The following MYO7A variants were observed in gnomAD, a reference collection of about 807,000 sequenced individuals.
The protein encoded by MYO7A is myosin VIIA, also known as unconventional myosin-VIIa.
MYO7A carries 210 observed loss-of-function variants against 263.8 expected under a neutral mutation model. That is an observed-to-expected ratio of 0.80 (90% CI 0.71 to 0.89). The LOEUF is 0.89. Ranked by LOEUF, MYO7A falls within the 40% of genes least tolerant of loss-of-function variation. The pLI, the probability that MYO7A is intolerant of heterozygous loss-of-function variation, is 0.00. For missense variants in MYO7A, 2,820 were observed against 2,968.3 expected (o/e 0.95, Z 1.16); for synonymous variants, 1,239 against 1,197.3 (o/e 1.03, Z -0.72).
In MYO7A at chr11:77,174,747, G is replaced by A. The variant is rs1283163856; in HGVS notation, c.1936-9G>A. ...TTGGCCCTGATGCCCTTGGCTGTGT[G>A]CCTGGCAGCTGTTCGACCGGCACCT... On this transcript the variant is annotated splice_polypyrimidine_tract_variant and intron_variant, in intron 16 of 48. Coordinates refer to ENST00000409709, the MANE Select transcript of MYO7A (RefSeq NM_000260.4). 20 of 1,572,858 alleles carry A rather than the reference G, an allele frequency of 1.3e-5. No individual in the cohort carries two copies. Among genetic ancestry groups the A allele is most frequent in the Non-Finnish European group, 1.7e-5 (20 of 1,160,000 alleles).
intron 4 of MYO7A, 25 bp downstream of exon 4, chr11:77,147,975 C>G (rs1274979296): frequency 7.9e-6 from 12 of 1,515,504 alleles, no homozygotes; most frequent in Admixed American, 2.0e-5. Flanking sequence ...GCCCGGTGCC[C>G]GTCCAGGCCC....
In MYO7A at chr11:77,213,850, G is replaced by A; in HGVS notation, c.6439-10G>A. On this transcript the variant is annotated splice_polypyrimidine_tract_variant and intron_variant, in intron 47 of 48. Transcript: ENST00000409709. ...GGCCGTGCCTCTCTATGCCCTTTCT[G>A]CTCCCCCAGGATATCCTCACCACTC... The A allele has an allele frequency of 6.2e-7, 1 of 1,613,986 alleles. No homozygotes were observed. Among genetic ancestry groups the A allele is most frequent in the Non-Finnish European group, 8.5e-7 (1 of 1,179,882 alleles).
At chr11:77,199,359 G>A (rs1192742787) in intron 34 of MYO7A, among the ~76,000 whole-genome samples, 176 bp from the exon 35 acceptor site, 1 of 152,212 alleles carries the variant, frequency 6.6e-6, no homozygotes, top group South Asian at 2.1e-4. Context: ...GATTTAAAGG[G>A]TGAGTAGGAA....
At chr11:77,213,312 C>A (rs1957987962) in intron 47 of MYO7A, among the ~76,000 whole-genome samples, 10 of 152,226 alleles carry the variant, frequency 6.6e-5, no homozygotes. Flanking sequence ...TCTGCCCATG[C>A]AGGTCATGGG....
chr11:77,165,403 C>G (rs1555071843), intron 14 of MYO7A, among the ~76,000 whole-genome samples: 2 of 152,172 alleles, frequency 1.3e-5, no homozygotes. Context: ...CTGTGTGGTG[C>G]AGGGGAATCT....
In MYO7A at chr11:77,183,059, G is replaced by A; in HGVS notation, c.3286-9G>A. On this transcript the variant is annotated splice_polypyrimidine_tract_variant and intron_variant, in intron 25 of 48. Transcript: ENST00000409709. ...AGCCACTTGACCCTGATCCCTGCTGGTCCTGCAGGCCCAGCTCCCCGAGGG... is the reference window on the plus strand; with the variant it reads ...AGCCACTTGACCCTGATCCCTGCTGATCCTGCAGGCCCAGCTCCCCGAGGG... 1 of 1,550,734 alleles carries A rather than the reference G, an allele frequency of 6.4e-7. No homozygotes were observed. Among genetic ancestry groups the A allele is most frequent in the Non-Finnish European group, 8.7e-7 (1 of 1,146,730 alleles).
intron 11 of MYO7A, 121 bp from the exon 12 acceptor site, chr11:77,160,852 G>C: frequency 8.8e-7 from 1 of 1,130,852 alleles, no homozygotes; most frequent in Non-Finnish European, 1.3e-6. Context: ...AAGGGTTGGG[G>C]GTTTCACACG....
At chr11:77,163,712 G>A (rs149834701) in intron 14 of MYO7A, among the ~76,000 whole-genome samples, 5 of 146,934 alleles carry the variant, frequency 3.4e-5, no homozygotes, top group East Asian at 3.9e-4. Flanking sequence ...TTCATTCAGC[G>A]TAATGTCTTT....
intron 8 of MYO7A, 101 bp from the exon 9 acceptor site, chr11:77,158,176 C>T: frequency 7.3e-7 from 1 of 1,366,998 alleles, no homozygotes; most frequent in Non-Finnish European, 9.6e-7. Flanking sequence ...CTGGCCTGGC[C>T]TGTCAGGCAG....
At chr11:77,173,559 C>T (rs1954335372) in intron 16 of MYO7A, among the ~76,000 whole-genome samples, 1 of 152,122 alleles carries the variant, frequency 6.6e-6, no homozygotes, top group Admixed American at 6.5e-5. Flanking sequence ...TTAAGGGGCT[C>T]AGGCTGGGGC....
At chr11:77,204,045 T>G in intron 38 of MYO7A, 31 bp from the exon 39 acceptor site, 1 of 1,572,492 alleles carries the variant, frequency 6.4e-7, no homozygotes, top group Non-Finnish European at 8.6e-7. Flanking sequence ...CTCCCTCTAT[T>G]CGGCACAAGC....
rs555590908 is a variant in MYO7A at position 77,201,106 on chromosome 11, C to T, written c.4853-342C>T. Among the ~76,000 whole-genome samples, 5 of 152,240 alleles carry T rather than the reference C, an allele frequency of 3.3e-5. No individual in the cohort carries two copies. The East Asian group carries it at 7.7e-4, about 24-fold the overall frequency. On this transcript the variant is annotated intron_variant, in intron 35 of 48. Coordinates refer to ENST00000409709, the MANE Select transcript of MYO7A (RefSeq NM_000260.4). ...GCTAAGCGTGATGCCAGCACAGAGG[C>T]GGGAGAAAGCTGGCCTGTCCAGGGA...
chr11:77,192,332 TC>T, intron 31 of MYO7A, 54 bp downstream of exon 31: 1 of 1,564,472 alleles, frequency 6.4e-7, no homozygotes, highest in Non-Finnish European at 8.8e-7. Context: ...CCTCCTGCTT[TC>T]CACGTTTGGG....
At position 77,156,758 on chromosome 11, in the gene MYO7A, T is replaced by G. The variant is rs1010166278; in HGVS notation, c.569T>G (p.Leu190Trp). Residue 190 changes from leucine (L) to tryptophan (W), a missense_variant, in exon 6 of 49, where the codon TTG (leucine) becomes TGG (tryptophan). By Grantham distance (61) the Leu-to-Trp change is moderately conservative. Coordinates refer to ENST00000409709, the MANE Select transcript of MYO7A (RefSeq NM_000260.4). ...GQHSWIEQQV[L>W]EATPILEAFG... ...CACTCGTGGATTGAGCAGCAGGTCT[T>G]GGAGGCCACCCCCATTCTGGAAGGT... is the stretch of plus-strand genomic sequence containing the variant. The G allele has an allele frequency of 8.1e-6, 13 of 1,613,856 alleles. No homozygotes were observed. The highest frequency in any genetic ancestry group is 1.1e-5 in the Non-Finnish European group (13 of 1,179,888).
chr11:77,203,230 C>T lies in MYO7A; in HGVS notation c.5326+13C>T, dbSNP rs114157944. The T allele has an allele frequency of 4.4e-3, 6,807 of 1,550,146 alleles. 235 individuals carry two copies. The African/African-American group carries it at 0.079, about 18-fold the overall frequency. ...CTGGCCTTCATTGATATCCGTGCCA[C>T]TGGGCTGTGCCCAGGGGAGCCAGGG... On this transcript the variant is annotated intron_variant, in intron 38 of 48. Coordinates refer to ENST00000409709, the MANE Select transcript of MYO7A (RefSeq NM_000260.4).
At position 77,158,277 on chromosome 11, in the gene MYO7A, G is replaced by A. The variant is rs782088850; in HGVS notation, c.850G>A (p.Gly284Ser). 2 of 1,595,202 alleles carry A rather than the reference G, an allele frequency of 1.3e-6. No homozygotes were observed. The highest frequency in any genetic ancestry group is 1.7e-6 in the Non-Finnish European group (2 of 1,166,716). ...CCCACTCTCCCACCCTGCCCACCAG[G>A]GTAACTGCATAACCTGTGAGGGCCG... ...QASDYNYLAM[G>S]NCITCEGRVD... is the part of the protein sequence containing the mutation. Residue 284 changes from glycine to serine, a missense_variant and splice_region_variant, in exon 9 of 49, where the codon GGT (glycine) becomes AGT (serine). By Grantham distance (56) the Gly-to-Ser change is moderately conservative. Coordinates refer to ENST00000409709, the MANE Select transcript of MYO7A (RefSeq NM_000260.4).
intron 8 of MYO7A, 131 bp downstream of exon 8, chr11:77,157,523 G>A (rs1336164965): frequency 3.1e-6 from 2 of 644,054 alleles, no homozygotes; most frequent in African/African-American, 1.8e-5. Flanking sequence ...TGGCTTGTCT[G>A]GACACCAAGG....
chr11:77,185,693 C>A (rs1243680263), intron 27 of MYO7A, among the ~76,000 whole-genome samples: 1 of 152,192 alleles, frequency 6.6e-6, no homozygotes, highest in East Asian at 1.9e-4. Flanking sequence ...CCTCCTTCTA[C>A]GAATCATGAA....
chr11:77,150,996 G>A (rs1017869937), intron 4 of MYO7A, among the ~76,000 whole-genome samples: 1 of 152,130 alleles, frequency 6.6e-6, no homozygotes. Context: ...GATTTCCTCC[G>A]ATTACCATGG....
Sources: allele counts gnomAD v4.1 joint callset (sites outside exome capture counted in the v4.1 genomes callset), GRCh38; gene constraint gnomAD v4.1.1; transcripts MANE v1.5; gene names NCBI Gene and HGNC (gene_info 2026-07-23, HGNC 2026-07-21).